Variants in GALNT18 observed in about 807,000 individuals in gnomAD.
The protein encoded by GALNT18 is polypeptide N-acetylgalactosaminyltransferase 18.
In GALNT18, 44 loss-of-function variants were observed where a neutral mutation model predicts 69.5. The observed-to-expected ratio is 0.63, with a 90% confidence interval of 0.50 to 0.81. GALNT18 has a LOEUF of 0.81. Among genes scored for constraint, GALNT18 ranks in the 40% least tolerant of loss-of-function variants. The probability of loss-of-function intolerance (pLI) is 0.00; values close to 1 mark genes in which losing one functional copy is unlikely to be tolerated. For missense variants in GALNT18, 715 were observed against 810.0 expected, an observed-to-expected ratio of 0.88 and a Z score of 1.42; for synonymous variants, 364 against 318.2, an observed-to-expected ratio of 1.14 and a Z score of -1.53.
intron 1 of GALNT18, among the ~76,000 whole-genome samples, chr11:11,472,712 C>T (rs960149121): frequency 6.6e-6 from 1 of 152,194 alleles, no homozygotes; most frequent in Non-Finnish European, 1.5e-5. Flanking sequence ...AAATGCCAGA[C>T]AGTATGTTCA....
chr11:11,352,534 A>T, intron 6 of GALNT18: 2 of 1,614,170 alleles, frequency 1.2e-6, no homozygotes, highest in Non-Finnish European at 1.7e-6. Flanking sequence ...CCTTTGAAGT[A>T]TCGGGAAGCA....
chr11:11,525,143 G>A (rs759805442), intron 1 of GALNT18, among the ~76,000 whole-genome samples: 8 of 152,218 alleles, frequency 5.3e-5, no homozygotes, highest in South Asian at 2.1e-4. Context: ...TGGTGTTGCC[G>A]GAATATAGAC....
At chr11:11,476,318 T>G (rs1856395916) in intron 1 of GALNT18, 1 of 152,158 alleles carries the variant, frequency 6.6e-6, no homozygotes, top group African/African-American at 2.4e-5. Context: ...ACTCTTACCT[T>G]GCAATAGCTG....
intron 1 of GALNT18, chr11:11,475,518 C>CT (rs1856372977): frequency 6.6e-6 from 1 of 152,278 alleles, no homozygotes; most frequent in Non-Finnish European, 1.5e-5. Context: ...AGTTTTGTTC[C>CT]TTTTAATAAT....
Position 11,621,694 on chromosome 11 carries a change from G to A in GALNT18, c.-101C>T. 1 of 848,038 alleles carries A rather than the reference G, an allele frequency of 1.2e-6. No individual in the cohort carries two copies. The allele number at this position is 848,038 out of a possible 1,614,324, so 52.5% of individuals were successfully genotyped here. A position where few individuals can be genotyped will look rare whatever the true frequency, so the allele number is the denominator to read the frequency against. On this transcript the variant is annotated 5_prime_UTR_variant, in exon 1 of 11. Coordinates refer to ENST00000227756, the MANE Select transcript of GALNT18 (RefSeq NM_198516.3). The surrounding 1 kb of genome is among the most constrained non-coding windows in gnomAD (Gnocchi z 9.3). ...CCCCGTAGCACGTCCGGAGCCGCTG[G>A]GCACCTCAGCACCTGAGTCCCGAGG...
intron 1 of GALNT18, among the ~76,000 whole-genome samples, chr11:11,474,470 G>A (rs555665809): frequency 2.0e-5 from 3 of 152,234 alleles, no homozygotes; most frequent in East Asian, 3.9e-4. Context: ...AACTTGGAAG[G>A]GTTTTCAGCA....
At chr11:11,589,982 A>G (rs753637735) in intron 1 of GALNT18, among the ~76,000 whole-genome samples, 1 of 152,110 alleles carries the variant, frequency 6.6e-6, no homozygotes, top group Non-Finnish European at 1.5e-5. Flanking sequence ...TCCAGATCTG[A>G]GGTTACACAG....
rs1427734168 is a variant in GALNT18 at position 11,600,723 on chromosome 11, A to G, written c.235+20636T>C. On this transcript the variant is annotated intron_variant, in intron 1 of 10. Coordinates refer to ENST00000227756, the MANE Select transcript of GALNT18 (RefSeq NM_198516.3). This position sits in a 1 kb window ranked among gnomAD's most constrained non-coding sequence, Gnocchi z 4.8. ...GTATTTGGCTATTATTTCTTCATATATTTTTTGGCTTCTTTCTTCTTTCAT... is the reference window on the plus strand; with the variant it reads ...GTATTTGGCTATTATTTCTTCATATGTTTTTTGGCTTCTTTCTTCTTTCAT... Among the ~76,000 whole-genome samples, 2 of 152,018 alleles carry G rather than the reference A, an allele frequency of 1.3e-5. No homozygotes were observed. The highest frequency in any genetic ancestry group is 6.6e-5 in the Admixed American group (1 of 15,254).
chr11:11,316,487 C>T (rs962965742), intron 9 of GALNT18, among the ~76,000 whole-genome samples: 15 of 152,256 alleles, frequency 9.9e-5, no homozygotes, highest in Middle Eastern at 3.4e-3. Context: ...GTGATGGCTT[C>T]GTGGAATTCA....
intron 6 of GALNT18, chr11:11,353,259 G>A (rs1253471587): frequency 2.6e-5 from 27 of 1,031,784 alleles, no homozygotes; most frequent in East Asian, 1.3e-4. Flanking sequence ...GGCTGTGGCC[G>A]CTCTCCCTTC....
At chr11:11,355,789 A>C (rs1279293951) in intron 6 of GALNT18, among the ~76,000 whole-genome samples, 2 of 152,142 alleles carry the variant, frequency 1.3e-5, no homozygotes, top group Non-Finnish European at 2.9e-5. Flanking sequence ...AGGCCTGAGG[A>C]ATAAAACAGA....
intron 3 of GALNT18, among the ~76,000 whole-genome samples, chr11:11,403,308 T>A (rs980878021): frequency 6.6e-6 from 1 of 152,146 alleles, no homozygotes; most frequent in African/African-American, 2.4e-5. Flanking sequence ...CTCACTACCT[T>A]ATAAAGCAGC....
rs528064828 is a variant in GALNT18, at chr11:11,535,054, C to T, written c.236-86118G>A. On this transcript the variant is annotated intron_variant, in intron 1 of 10. Coordinates refer to ENST00000227756, the MANE Select transcript of GALNT18 (RefSeq NM_198516.3). Reference sequence around the variant, plus strand: ...TGTTAGCCTCTCTGAACCACCATTTCCTTGTCTTTAAATTGAGGAAATTGA... The same window carrying T: ...TGTTAGCCTCTCTGAACCACCATTTTCTTGTCTTTAAATTGAGGAAATTGA... Among the ~76,000 whole-genome samples, 19 of 152,390 alleles carry T rather than the reference C, an allele frequency of 1.2e-4. No homozygotes were observed. The East Asian group carries it at 3.5e-3, about 28-fold the overall frequency.
chr11:11,553,432 C>T (rs1858249516), intron 1 of GALNT18, among the ~76,000 whole-genome samples: 1 of 152,216 alleles, frequency 6.6e-6, no homozygotes, highest in Admixed American at 6.5e-5. Context: ...CCCACCTCCA[C>T]AGCTCCTGTC....
chr11:11,291,299 T>A lies in GALNT18; in HGVS notation c.1677+1730A>T, dbSNP rs116551849. Among the ~76,000 whole-genome samples the A allele has an allele frequency of 4.8e-3, 731 of 151,100 alleles. 7 individuals carry two copies. Among genetic ancestry groups the A allele is most frequent in the African/African-American group, 0.017 (695 of 41,416 alleles). On this transcript the variant is annotated intron_variant, in intron 10 of 10. Coordinates refer to ENST00000227756, the MANE Select transcript of GALNT18 (RefSeq NM_198516.3). ...CCCACGTGGCCACTTCCGACATAGC[T>A]TCAGTGATGAGAAGTAAGAGAGAAT...
intron 8 of GALNT18, among the ~76,000 whole-genome samples, chr11:11,327,525 C>A (rs1022859395): frequency 1.3e-5 from 2 of 152,240 alleles, no homozygotes; most frequent in Admixed American, 6.5e-5. Flanking sequence ...TGAGAGAAAT[C>A]TTTGCTCTTT....
At chr11:11,403,680 G>C (rs778765513) in intron 3 of GALNT18, among the ~76,000 whole-genome samples, 6 of 152,156 alleles carry the variant, frequency 3.9e-5, no homozygotes, top group Non-Finnish European at 5.9e-5. Context: ...TTTGATCCAA[G>C]CCAGTGCCCA....
intron 1 of GALNT18, among the ~76,000 whole-genome samples, chr11:11,476,784 CA>C (rs1435394019): frequency 6.6e-6 from 1 of 152,126 alleles, no homozygotes; most frequent in Non-Finnish European, 1.5e-5. Context: ...GCCCACATAA[CA>C]AGAAAGTTAA....
chr11:11,506,407 C>A (rs1465693598), intron 1 of GALNT18, among the ~76,000 whole-genome samples: 1 of 152,174 alleles, frequency 6.6e-6, no homozygotes, highest in Non-Finnish European at 1.5e-5. Flanking sequence ...GTCAAATACA[C>A]CATCTAGACC....
Sources: gnomAD v4.1 joint callset for allele counts (sites outside exome capture counted in the v4.1 genomes callset) on GRCh38, gnomAD v4.1.1 for gene constraint, Gnocchi (gnomAD v3.1) non-coding constraint, MANE v1.5 for transcripts, NCBI Gene and HGNC (gene_info 2026-07-23, HGNC 2026-07-21) for gene names.